Variants in KCNIP1 observed in about 807,000 individuals in gnomAD.
KCNIP1 encodes potassium voltage-gated channel interacting protein 1, also known as A-type potassium channel modulatory protein KCNIP1.
In KCNIP1, 18 loss-of-function variants were observed where a neutral mutation model predicts 33.0. The ratio of observed to expected loss-of-function variants is 0.55; its 90% confidence interval spans 0.38 to 0.81. The LOEUF (loss-of-function observed/expected upper bound fraction) is 0.81. KCNIP1 is among the 30% of genes least tolerant of loss of function. The pLI is 0.00. For missense variants in KCNIP1, 238 were observed against 271.6 expected, an observed-to-expected ratio of 0.88 and a Z score of 0.87; for synonymous variants, 93 against 98.3, an observed-to-expected ratio of 0.95 and a Z score of 0.32.
At chr5:170,614,836 C>T (rs1759304697) in intron 1 of KCNIP1, among the ~76,000 whole-genome samples, 1 of 152,220 alleles carries the variant, frequency 6.6e-6, no homozygotes, top group African/African-American at 2.4e-5. Flanking sequence ...TTTGATTCCT[C>T]CTTGAGGGCA....
At chr5:170,651,603 A>AG (rs1285601646) in intron 1 of KCNIP1, among the ~76,000 whole-genome samples, 3 of 152,030 alleles carry the variant, frequency 2.0e-5, no homozygotes, top group African/African-American at 2.4e-5. Context: ...CCACCCCCCC[A>AG]GCTGATTGTT....
intron 1 of KCNIP1, among the ~76,000 whole-genome samples, chr5:170,559,830 C>G (rs1296909415): frequency 1.3e-5 from 2 of 152,196 alleles, no homozygotes; most frequent in African/African-American, 4.8e-5. Context: ...ATGCCCACAA[C>G]CAAGCAAGAA....
At chr5:170,718,684 G>A in intron 1 of KCNIP1, 74 bp from the exon 2 acceptor site, 1 of 1,583,612 alleles carries the variant, frequency 6.3e-7, no homozygotes, top group South Asian at 1.1e-5. Flanking sequence ...CCACTCTTTT[G>A]ACAGCCCAGA....
At chr5:170,577,824 T>C (rs974513022) in intron 1 of KCNIP1, among the ~76,000 whole-genome samples, 1 of 152,204 alleles carries the variant, frequency 6.6e-6, no homozygotes, top group African/African-American at 2.4e-5. Flanking sequence ...GCAAAAAAAC[T>C]TGAAAGTCAC....
chr5:170,578,782 T>C (rs1287346414), intron 1 of KCNIP1, among the ~76,000 whole-genome samples: 4 of 152,224 alleles, frequency 2.6e-5, no homozygotes. Context: ...TTAGATAGCC[T>C]GATCAGGGAG....
At chr5:170,420,014 T>A (rs1457970273) in intron 1 of KCNIP1, among the ~76,000 whole-genome samples, 1 of 152,178 alleles carries the variant, frequency 6.6e-6, no homozygotes, top group Non-Finnish European at 1.5e-5. Flanking sequence ...CCGCCCACTG[T>A]TTCTCTTCTC....
At chr5:170,438,286 A>T (rs1755909622) in intron 1 of KCNIP1, among the ~76,000 whole-genome samples, 1 of 152,122 alleles carries the variant, frequency 6.6e-6, no homozygotes, top group Non-Finnish European at 1.5e-5. Flanking sequence ...CACTGCAGAC[A>T]AGGCTCTAGT....
At chr5:170,621,599 C>T (rs1759605884) in intron 1 of KCNIP1, among the ~76,000 whole-genome samples, 1 of 152,222 alleles carries the variant, frequency 6.6e-6, no homozygotes, top group Non-Finnish European at 1.5e-5. Flanking sequence ...CAGCCTTAAA[C>T]TCCTGGGCTC....
intron 1 of KCNIP1, among the ~76,000 whole-genome samples, chr5:170,630,511 C>G (rs908029725): frequency 2.6e-5 from 4 of 152,152 alleles, no homozygotes; most frequent in Non-Finnish European, 5.9e-5. Flanking sequence ...CGCTGGAGCC[C>G]AGAGGCGTCC....
At chr5:170,459,797 C>A (rs1428410691) in intron 1 of KCNIP1, among the ~76,000 whole-genome samples, 1 of 152,066 alleles carries the variant, frequency 6.6e-6, no homozygotes, top group African/African-American at 2.4e-5. Context: ...GAAACAAGAA[C>A]AAACCAAACC....
At chr5:170,470,513 T>C (rs1036771045) in intron 1 of KCNIP1, among the ~76,000 whole-genome samples, 5 of 152,088 alleles carry the variant, frequency 3.3e-5, no homozygotes, top group African/African-American at 1.2e-4. Flanking sequence ...CCAGAGAAAG[T>C]GAGGCATTTA....
At chr5:170,632,605 G>A (rs537594662) in intron 1 of KCNIP1, among the ~76,000 whole-genome samples, 1 of 152,322 alleles carries the variant, frequency 6.6e-6, no homozygotes, top group South Asian at 2.1e-4. Context: ...GGATGTGGGC[G>A]GTAAATGAAA....
At chr5:170,697,119 A>G (rs938770248) in intron 1 of KCNIP1, among the ~76,000 whole-genome samples, 22 of 150,356 alleles carry the variant, frequency 1.5e-4, no homozygotes, top group Non-Finnish European at 3.0e-5. Flanking sequence ...CTTCCTTCCT[A>G]TCTAGTCAGA....
rs544712209 is a variant in KCNIP1 at position 170,379,581 on chromosome 5, C to T, written c.88+25617C>T. Reference sequence around the variant, plus strand: ...CAATAGGGAGAGAGCCAGCTGCCTCCAGACAGGCAGTCACCACTCCCTCCA... The same window carrying T: ...CAATAGGGAGAGAGCCAGCTGCCTCTAGACAGGCAGTCACCACTCCCTCCA... On this transcript the variant is annotated intron_variant, in intron 1 of 7. Coordinates refer to the KCNIP1 transcript ENST00000377360. Among the ~76,000 whole-genome samples the T allele has an allele frequency of 2.6e-5, 4 of 152,210 alleles. No homozygotes were observed. The South Asian group carries it at 8.3e-4, about 32-fold the overall frequency.
intron 1 of KCNIP1, among the ~76,000 whole-genome samples, chr5:170,701,335 C>A (rs911973186): frequency 6.6e-6 from 1 of 152,144 alleles, no homozygotes; most frequent in Non-Finnish European, 1.5e-5. Context: ...CACCTTGGGA[C>A]TTAAATGATG....
At chr5:170,533,790 AT>A (rs1233677816) in intron 1 of KCNIP1, among the ~76,000 whole-genome samples, 1 of 152,186 alleles carries the variant, frequency 6.6e-6, no homozygotes, top group African/African-American at 2.4e-5. Flanking sequence ...GATTTCTCCT[AT>A]TAGATTGCAA....
At chr5:170,534,338 C>T (rs1006032008) in intron 1 of KCNIP1, among the ~76,000 whole-genome samples, 16 of 152,020 alleles carry the variant, frequency 1.1e-4, no homozygotes, top group African/African-American at 3.9e-4. Flanking sequence ...GCCAGCTACT[C>T]AGGAGAATGA....
chr5:170,467,939 A>AAAG (rs1756643823), intron 1 of KCNIP1, among the ~76,000 whole-genome samples: 1 of 150,704 alleles, frequency 6.6e-6, no homozygotes, highest in East Asian at 1.9e-4. Flanking sequence ...AAAAAAAAAA[A>AAAG]GGAAACTAAG....
chr5:170,684,092 T>C (rs1762461260), intron 1 of KCNIP1, among the ~76,000 whole-genome samples: 1 of 152,134 alleles, frequency 6.6e-6, no homozygotes, highest in East Asian at 1.9e-4. Context: ...AGTATACAGA[T>C]ATTGAGCCAA....
Sources: gnomAD v4.1 joint callset for allele counts (sites outside exome capture counted in the v4.1 genomes callset) on GRCh38, gnomAD v4.1.1 for gene constraint, MANE v1.5 for transcripts, NCBI Gene and HGNC (gene_info 2026-07-23, HGNC 2026-07-21) for gene names.